Variants in ZNF99 observed in about 807,000 individuals in gnomAD.
ZNF99 encodes the protein zinc finger protein ENSP00000375192.
ZNF99 carries 8 observed loss-of-function variants against 12.8 expected under a neutral mutation model. The observed-to-expected ratio is 0.62, with a 90% confidence interval of 0.37 to 1.13. The LOEUF is 1.13. Among genes scored for constraint, ZNF99 ranks in the 50% most tolerant of loss-of-function variants. The pLI is 0.02. For synonymous variants in ZNF99, 318 were observed against 319.0 expected, an observed-to-expected ratio of 1.00 and a Z score of 0.03; for missense variants, 1,007 against 1,006.2, an observed-to-expected ratio of 1.00 and a Z score of -0.01.
chr19:22,782,226 ATAATAC>A (rs1406921104), intron 1 of ZNF99, among the ~76,000 whole-genome samples: 1 of 152,232 alleles, frequency 6.6e-6, no homozygotes, highest in East Asian at 1.9e-4. Flanking sequence ...GGGAGTAGAC[ATAATAC>A]TCTGCTTGAG....
chr19:22,769,927 G>A (rs749666711), intron 1 of ZNF99: 5 of 1,360,506 alleles, frequency 3.7e-6, no homozygotes, highest in Non-Finnish European at 4.9e-6. Context: ...ATTTTTGAGT[G>A]CTATTTTTAA....
At position 22,758,200 on chromosome 19, in the gene ZNF99, C is replaced by T; in HGVS notation, c.1709G>A (p.Cys570Tyr). 6.2e-7 allele frequency: 1 copy of T among 1,613,734 alleles called. No individual in the cohort carries two copies. The highest frequency in any genetic ancestry group is 8.5e-7 in the Non-Finnish European group (1 of 1,179,822). ...TGKKPYKCEE[C>Y]GKAFKQSSHL... The stretch of plus-strand genomic sequence containing the variant: ...TGAAGATTGCTTAAAAGCTTTGCCA[C>T]ATTCTTCACATTTGTATGGTTTCTT... Residue 570 changes from cysteine to tyrosine, a missense_variant, in exon 4 of 4, where the codon TGT (cysteine) becomes TAT (tyrosine). Cys to Tyr is a radical substitution (Grantham distance 194, BLOSUM62 -2). Coordinates refer to ENST00000596209, the MANE Select transcript of ZNF99 (RefSeq NM_001080409.3).
In ZNF99 at chr19:22,752,532, C is replaced by T. The variant is rs1972983441; in HGVS notation, c.*4782G>A. 6.7e-6 allele frequency: 1 copy of T among 150,080 alleles called. No individual in the cohort carries two copies. Among genetic ancestry groups the T allele is most frequent in the South Asian group, 2.1e-4 (1 of 4,776 alleles). 9.3% of individuals were successfully genotyped at this position (150,080 alleles called of 1,614,324 possible). A position where few individuals can be genotyped will look rare whatever the true frequency, so the allele number is the denominator to read the frequency against. On this transcript the variant is annotated 3_prime_UTR_variant, in exon 4 of 4. Transcript: ENST00000596209. ...AGTATAAAAATGTAACCTACGAGAA[C>T]AATATTCTTTAATTTATTTGCAGGT...
At chr19:22,782,664 T>C (rs1973401913) in intron 1 of ZNF99, among the ~76,000 whole-genome samples, 2 of 134,458 alleles carry the variant, frequency 1.5e-5, no homozygotes, top group African/African-American at 5.6e-5. Flanking sequence ...ACCTGGCCTT[T>C]TTTTTTTTTT....
At chr19:22,777,646 C>A (rs1475123387) in intron 1 of ZNF99, among the ~76,000 whole-genome samples, 1 of 152,132 alleles carries the variant, frequency 6.6e-6, no homozygotes. Context: ...TTTTTGGGTT[C>A]ATGCTGGCAG....
chr19:22,757,979 T>A lies in ZNF99; in HGVS notation c.1930A>T (p.Thr644Ser), dbSNP rs780690672. The A allele has an allele frequency of 5.0e-6, 8 of 1,613,552 alleles. No homozygotes were observed. The highest frequency in any genetic ancestry group is 6.8e-6 in the Non-Finnish European group (8 of 1,179,714). Residue 644 changes from threonine to serine, a missense_variant, in exon 4 of 4, where the codon ACT (threonine) becomes TCT (serine). By Grantham distance (58) the Thr-to-Ser change is moderately conservative (BLOSUM62 1). Coordinates refer to ENST00000596209, the MANE Select transcript of ZNF99 (RefSeq NM_001080409.3). ...STLRKHEIIH[T>S]GEKPYKCEEC... is the part of the protein sequence containing the mutation. ...TCACATTTGTAGGGTTTCTCTCCAG[T>A]ATGAATTATCTCATGTTTTCTAAGG... is the stretch of plus-strand genomic sequence containing the variant.
chr19:22,771,891 T>A (rs1973276771), intron 1 of ZNF99, among the ~76,000 whole-genome samples: 1 of 136,808 alleles, frequency 7.3e-6, no homozygotes, highest in Non-Finnish European at 1.6e-5. Flanking sequence ...CTAATTTTTG[T>A]ATTTTTAGTA....
chr19:22,754,009 T>A lies in ZNF99; in HGVS notation c.*3305A>T, dbSNP rs1303119111. Reference sequence around the variant, plus strand: ...AGGTGTTCTCAAGAGCACTGTCATGTCTTTTAGGTTTGTAGAGCTTCTCTC... The same window carrying A: ...AGGTGTTCTCAAGAGCACTGTCATGACTTTTAGGTTTGTAGAGCTTCTCTC... On this transcript the variant is annotated 3_prime_UTR_variant, in exon 4 of 4. Transcript: ENST00000596209. 1 of 456,090 alleles carries A rather than the reference T, an allele frequency of 2.2e-6. No individual in the cohort carries two copies. The highest frequency in any genetic ancestry group is 4.4e-6 in the Non-Finnish European group (1 of 226,802). 28.3% of individuals were successfully genotyped at this position (456,090 alleles called of 1,614,324 possible).
intron 3 of ZNF99, among the ~76,000 whole-genome samples, chr19:22,764,107 T>C (rs928753350): frequency 1.3e-5 from 2 of 151,628 alleles, no homozygotes; most frequent in African/African-American, 2.4e-5. Context: ...TGGGGTTTCA[T>C]CACATTGGCC....
intron 3 of ZNF99, among the ~76,000 whole-genome samples, chr19:22,765,585 A>G (rs1263600923): frequency 6.6e-6 from 1 of 152,014 alleles, no homozygotes; most frequent in Non-Finnish European, 1.5e-5. Context: ...TTCTTAATCC[A>G]TAATACTTGA....
intron 1 of ZNF99, chr19:22,771,001 C>A (rs1405418019): frequency 6.8e-6 from 1 of 147,272 alleles, no homozygotes; most frequent in African/African-American, 2.5e-5. Context: ...TGCAATGGTG[C>A]GATCTCAGCT....
chr19:22,757,357 G>A lies in ZNF99; in HGVS notation c.2552C>T (p.Ala851Val), dbSNP rs772459230. 7.4e-5 allele frequency: 120 copies of A among 1,610,896 alleles called. No individual in the cohort carries two copies. The highest frequency in any genetic ancestry group is 1.0e-4 in the Non-Finnish European group (118 of 1,179,138). ...GGGCTGAGAAATGTTTAAAAGCTTT[G>A]CCACATTCTTCACATTTGCAGGGTT... The part of the protein sequence containing the change: ...ERNPANVKNV[A>V]KLLNISQPLE... The change falls in exon 4 of 4, where the codon GCA (alanine) becomes GTA (valine). Residue 851 changes from alanine to valine, a missense_variant. Coordinates refer to ENST00000596209, the MANE Select transcript of ZNF99 (RefSeq NM_001080409.3).
At position 22,758,439 on chromosome 19, in the gene ZNF99, A is replaced by T. The variant is rs370791364; in HGVS notation, c.1470T>A (p.Phe490Leu). 4 of 1,612,976 alleles carry T rather than the reference A, an allele frequency of 2.5e-6. No individual in the cohort carries two copies. In the African/African-American group the frequency reaches 5.3e-5, roughly 22 times the overall value. Reference protein sequence around the residue: ...PYKCEECGKAFKWSSKLTVHK... With the variant: ...PYKCEECGKALKWSSKLTVHK... ...GTACAGTAAGTTTTGAGGACCACTT[A>T]AAAGCTTTACCACATTCTTCACATT... is the stretch of plus-strand genomic sequence containing the variant. The change falls in exon 4 of 4, where the codon TTT (phenylalanine) becomes TTA (leucine). Residue 490 changes from phenylalanine to leucine, a missense_variant. Coordinates refer to ENST00000596209, the MANE Select transcript of ZNF99 (RefSeq NM_001080409.3).
chr19:22,762,225 T>C (rs1973158129), intron 3 of ZNF99, among the ~76,000 whole-genome samples: 1 of 151,662 alleles, frequency 6.6e-6, no homozygotes, highest in South Asian at 2.1e-4. Flanking sequence ...AACGCATAAA[T>C]ACAATTGATA....
chr19:22,778,096 G>C (rs891568911), intron 1 of ZNF99, among the ~76,000 whole-genome samples: 1 of 150,454 alleles, frequency 6.6e-6, no homozygotes, highest in Admixed American at 6.6e-5. Flanking sequence ...ACACCAACAT[G>C]GCACATGTAT....
At chr19:22,769,558 G>A (rs1328273750) in intron 1 of ZNF99, among the ~76,000 whole-genome samples, 4 of 152,114 alleles carry the variant, frequency 2.6e-5, no homozygotes, top group Non-Finnish European at 4.4e-5. Flanking sequence ...ACGAAGTCAG[G>A]AGATTGAGAC....
chr19:22,777,573 T>C (rs1973343404), intron 1 of ZNF99, among the ~76,000 whole-genome samples: 3 of 152,156 alleles, frequency 2.0e-5, no homozygotes. Flanking sequence ...GAGAGTGCAA[T>C]GCAGGTGGAA....
Position 22,758,118 on chromosome 19 carries a change from T to C in ZNF99, c.1791A>G (p.Glu597=), listed in dbSNP as rs749911622. The C allele has an allele frequency of 3.7e-6, 6 of 1,611,898 alleles. No individual in the cohort carries two copies. In the Admixed American group the frequency reaches 5.0e-5, roughly 13 times the overall value. ...HTGEKPYKCE[E]CGKAFNHFSA... ...AGAAGTGGTTAAAAGCTTTGCCACATTCTTCACATTTGTAGGGTTTCTCCC... is the reference window on the plus strand; with the variant it reads ...AGAAGTGGTTAAAAGCTTTGCCACACTCTTCACATTTGTAGGGTTTCTCCC... Residue 597 remains glutamate (E), a synonymous_variant, in exon 4 of 4, where the codon GAA becomes GAG. Coordinates refer to ENST00000596209, the MANE Select transcript of ZNF99 (RefSeq NM_001080409.3).
chr19:22,756,304 A>G lies in ZNF99; in HGVS notation c.*1010T>C. ...CTTCACATTTGTAGGTTTTCCCTCC[A>G]GTATGAATTGTTTTATGTTGAGTAA... On this transcript the variant is annotated 3_prime_UTR_variant, in exon 4 of 4. Coordinates refer to ENST00000596209, the MANE Select transcript of ZNF99 (RefSeq NM_001080409.3). The G allele has an allele frequency of 6.4e-7, 1 of 1,574,392 alleles. No individual in the cohort carries two copies. The highest frequency in any genetic ancestry group is 1.7e-5 in the Admixed American group (1 of 58,082).
Sources: gnomAD v4.1 joint callset for allele counts (sites outside exome capture counted in the v4.1 genomes callset) on GRCh38, gnomAD v4.1.1 for gene constraint, MANE v1.5 for transcripts, NCBI Gene and HGNC (gene_info 2026-07-23, HGNC 2026-07-21) for gene names.